NRXN2: variants seen among roughly 807,000 people sequenced by gnomAD.
NRXN2 encodes neurexin 2.
A neutral mutation model predicts 128.8 loss-of-function variants in NRXN2; 29 were observed. The ratio of observed to expected loss-of-function variants is 0.23; its 90% CI spans 0.17 to 0.31. NRXN2 has a LOEUF of 0.31. Among genes scored for constraint, NRXN2 ranks in the 10% least tolerant of loss-of-function variants. NRXN2 has a pLI of 1.00. For synonymous variants in NRXN2, 1,098 were observed against 1,075.2 expected, an observed-to-expected ratio of 1.02 and a Z score of -0.41; for missense variants, 1,881 against 2,452.6, an observed-to-expected ratio of 0.77 and a Z score of 4.92.
chr11:64,621,180 C>T (rs920277088), intron 21 of NRXN2, among the ~76,000 whole-genome samples: 2 of 152,108 alleles, frequency 1.3e-5, no homozygotes, highest in Admixed American at 1.3e-4. Flanking sequence ...CCTCACTCAC[C>T]CAAGGGCAAG....
Position 64,648,938 on chromosome 11 carries a change from C to T in NRXN2, c.3110-31G>A. 6.2e-7 allele frequency: 1 copy of T among 1,612,910 alleles called. No homozygotes were observed. The highest frequency in any genetic ancestry group is 8.5e-7 in the Non-Finnish European group (1 of 1,179,014). The stretch of plus-strand genomic sequence containing the variant: ...AAGGGAGTGGGTCAACCAAGGCATC[C>T]AGGTCCCCATTCCCATCCCAAGACA... On this transcript the variant is annotated intron_variant, in intron 15 of 22. Coordinates refer to ENST00000265459, the MANE Select transcript of NRXN2 (RefSeq NM_015080.4). The surrounding 1 kb of genome is among the most constrained non-coding windows in gnomAD (Gnocchi z 4.1).
intron 22 of NRXN2, among the ~76,000 whole-genome samples, chr11:64,613,015 A>G (rs922954413): frequency 6.6e-6 from 1 of 152,258 alleles, no homozygotes; most frequent in Non-Finnish European, 1.5e-5. Context: ...GTGCGAGCAG[A>G]GAGCAACCTG....
chr11:64,680,388 C>T (rs1229185838), intron 6 of NRXN2, among the ~76,000 whole-genome samples: 2 of 152,186 alleles, frequency 1.3e-5, no homozygotes, highest in African/African-American at 2.4e-5. Flanking sequence ...ACAAGCAGAA[C>T]ATTGAAATGG....
chr11:64,612,375 G>A (rs929310025), intron 22 of NRXN2, among the ~76,000 whole-genome samples: 13 of 152,162 alleles, frequency 8.5e-5, no homozygotes, highest in African/African-American at 3.1e-4. Context: ...AGGACCCCAG[G>A]CAGCCTCCCG....
chr11:64,707,158 TGAGGTGGGTGGATCAC>T (rs2056419882), intron 2 of NRXN2, among the ~76,000 whole-genome samples: 1 of 151,736 alleles, frequency 6.6e-6, no homozygotes, highest in Admixed American at 6.6e-5. Flanking sequence ...GGGCGGATCA[TGAGGTGGGTGGATCAC>T]GAGGTCAGGA....
At chr11:64,645,320 G>C (rs904354547) in intron 17 of NRXN2, among the ~76,000 whole-genome samples, 1 of 152,082 alleles carries the variant, frequency 6.6e-6, no homozygotes, top group Non-Finnish European at 1.5e-5. Context: ...GGAGAGAGAT[G>C]GGGGGGCCAA....
intron 2 of NRXN2, among the ~76,000 whole-genome samples, chr11:64,710,629 G>A (rs2056797928): frequency 6.6e-6 from 1 of 152,140 alleles, no homozygotes; most frequent in African/African-American, 2.4e-5. Context: ...GATTCATCCT[G>A]TTTTCTTAGG....
chr11:64,629,543 C>G (rs1308014221), intron 19 of NRXN2, among the ~76,000 whole-genome samples: 1 of 152,132 alleles, frequency 6.6e-6, no homozygotes, highest in Non-Finnish European at 1.5e-5. Flanking sequence ...CCCTCAATAT[C>G]TTTCAGAGTC....
chr11:64,656,009 T>C (rs1216875264), intron 11 of NRXN2: 1 of 152,094 alleles, frequency 6.6e-6, no homozygotes, highest in Non-Finnish European at 1.5e-5. Flanking sequence ...TATGAACACG[T>C]GTTGGGGAGG....
chr11:64,702,037 G>C (rs1439381287), intron 2 of NRXN2, among the ~76,000 whole-genome samples: 1 of 149,240 alleles, frequency 6.7e-6, no homozygotes, highest in African/African-American at 2.5e-5. Flanking sequence ...CAGCCGCCCC[G>C]TCCGGGAGGT....
At chr11:64,654,929 A>G (rs761951421) in intron 11 of NRXN2, among the ~76,000 whole-genome samples, 13 of 152,128 alleles carry the variant, frequency 8.5e-5, no homozygotes, top group Non-Finnish European at 1.6e-4. Flanking sequence ...GAGGGAATGG[A>G]TAACAGTAGG....
rs1386649710 is a variant in NRXN2, at chr11:64,607,972, C to T, written c.4363G>A (p.Gly1455Arg). The change falls in exon 23 of 23, where the codon GGA becomes AGA. Residue 1455 changes from glycine (G) to arginine (R), a missense_variant. Transcript: ENST00000265459. ...PPPTFYPFLT[G>R]VGATQDTLPP... ...AGCGTGTCTTGGGTGGCGCCCACTC[C>T]CGTGAGGAAGGGGTAGAAGGTAGGG... 3 of 1,543,452 alleles carry T rather than the reference C, an allele frequency of 1.9e-6. No individual in the cohort carries two copies. The highest frequency in any genetic ancestry group is 2.6e-6 in the Non-Finnish European group (3 of 1,146,540).
At chr11:64,710,411 C>T (rs1244532896) in intron 2 of NRXN2, among the ~76,000 whole-genome samples, 1 of 152,172 alleles carries the variant, frequency 6.6e-6, no homozygotes, top group East Asian at 1.9e-4. Context: ...ACCACACAAC[C>T]CGTATTCAGA....
Position 64,713,297 on chromosome 11 carries a change from C to T in NRXN2, c.403G>A (p.Ala135Thr). 1.5e-6 allele frequency: 2 copies of T among 1,365,296 alleles called. No homozygotes were observed. The highest frequency in any genetic ancestry group is 1.9e-6 in the Non-Finnish European group (2 of 1,064,654). The allele number at this position is 1,365,296 out of a possible 1,614,324, so 84.6% of individuals were successfully genotyped here. ...TCGCGCCGCTTGGAGCGCACCTCGGCGGCGCGGGCCTCGCCGTCCACCGCC... is the reference window on the plus strand; with the variant it reads ...TCGCGCCGCTTGGAGCGCACCTCGGTGGCGCGGGCCTCGCCGTCCACCGCC... ...ALAVDGEARA[A>T]EVRSKRREMQ... Residue 135 changes from alanine to threonine, a missense_variant, in exon 2 of 23, where the codon GCC becomes ACC. Physicochemically the swap from Ala to Thr is moderately conservative, Grantham distance 58. Transcript: ENST00000265459.
intron 3 of NRXN2, among the ~76,000 whole-genome samples, chr11:64,695,387 T>G (rs1205885182): frequency 6.6e-6 from 1 of 151,982 alleles, no homozygotes; most frequent in Non-Finnish European, 1.5e-5. Context: ...CAGAGCAGGA[T>G]CTTGGGGTTC....
chr11:64,677,116 T>G, intron 6 of NRXN2, 79 bp from the exon 7 acceptor site: 1 of 994,720 alleles, frequency 1.0e-6, no homozygotes, highest in South Asian at 1.5e-5. Flanking sequence ...AAGAACAGAA[T>G]GAAAAGAAAA....
At chr11:64,665,279 C>CAAA (rs34174672) in intron 9 of NRXN2, among the ~76,000 whole-genome samples, 1 of 129,452 alleles carries the variant, frequency 7.7e-6, no homozygotes, top group Non-Finnish European at 1.7e-5. Context: ...GACTCCATCT[C>CAAA]AAAAAAAAAA....
chr11:64,614,638 C>G (rs1591487971), intron 22 of NRXN2, among the ~76,000 whole-genome samples: 1 of 152,254 alleles, frequency 6.6e-6, no homozygotes, highest in East Asian at 1.9e-4. Flanking sequence ...GCCTGGCCTG[C>G]CTGCCTGCTG....
intron 5 of NRXN2, chr11:64,688,735 C>T: frequency 1.0e-6 from 1 of 985,278 alleles, no homozygotes; most frequent in African/African-American, 1.7e-5. Context: ...CTACAAGTGT[C>T]CCCAGTGAAT....
Sources: allele counts gnomAD v4.1 joint callset (sites outside exome capture counted in the v4.1 genomes callset), GRCh38; gene constraint gnomAD v4.1.1; non-coding constraint Gnocchi (gnomAD v3.1); transcripts MANE v1.5; gene names NCBI Gene and HGNC (gene_info 2026-07-23, HGNC 2026-07-21).